The following PRKN variants were observed in gnomAD, a reference collection of about 807,000 sequenced individuals.
The protein encoded by PRKN is E3 ubiquitin-protein ligase parkin.
In PRKN, 56 loss-of-function variants were observed where a neutral mutation model predicts 59.5. The observed-to-expected ratio is 0.94, with a 90% CI of 0.76 to 1.18. PRKN has a LOEUF of 1.18. PRKN is among the 50% of genes most tolerant of loss of function. The probability of loss-of-function intolerance (pLI) is 0.00; values close to 1 mark genes in which losing one functional copy is unlikely to be tolerated. For missense variants in PRKN, 657 were observed against 596.4 expected, an observed-to-expected ratio of 1.10 and a Z score of -1.06; for synonymous variants, 250 against 222.1, an observed-to-expected ratio of 1.13 and a Z score of -1.12.
intron 2 of PRKN, among the ~76,000 whole-genome samples, chr6:162,296,088 AAAAC>A (rs1170749398): frequency 6.6e-6 from 1 of 152,222 alleles, no homozygotes; most frequent in Non-Finnish European, 1.5e-5. Flanking sequence ...TTTAAAAACA[AAAAC>A]AAAGCAAAAG....
At chr6:162,571,618 C>T (rs1780332297) in intron 1 of PRKN, among the ~76,000 whole-genome samples, 1 of 151,972 alleles carries the variant, frequency 6.6e-6, no homozygotes, top group Non-Finnish European at 1.5e-5. Context: ...AGAAAACAGC[C>T]ATTGATTTAG....
In PRKN at chr6:161,390,906, A is replaced by G. The variant is rs1290914758; in HGVS notation, c.1084-4029T>C. ...ATTAATTCTTACTATGCTACGTGGT[A>G]CAAAACCTTTCATAACCACAACTGT... On this transcript the variant is annotated intron_variant, in intron 9 of 11. Transcript: ENST00000366898. The surrounding 1 kb of genome is among the most constrained non-coding windows in gnomAD (Gnocchi z 7.0). 3.9e-5 allele frequency among the ~76,000 whole-genome samples: 6 copies of G among 152,200 alleles called. No individual in the cohort carries two copies. The highest frequency in any genetic ancestry group is 8.8e-5 in the Non-Finnish European group (6 of 68,046).
At chr6:161,591,146 T>C (rs989694959) in intron 7 of PRKN, among the ~76,000 whole-genome samples, 1 of 152,084 alleles carries the variant, frequency 6.6e-6, no homozygotes, top group Non-Finnish European at 1.5e-5. Flanking sequence ...AGAAAAAAAA[T>C]ATATGCACAT....
chr6:161,353,006 C>T lies in PRKN; in HGVS notation c.1286-2795G>A, dbSNP rs1784622224. Among the ~76,000 whole-genome samples, 1 of 151,974 alleles carries T rather than the reference C, an allele frequency of 6.6e-6. No homozygotes were observed. The highest frequency in any genetic ancestry group is 2.4e-5 in the African/African-American group (1 of 41,352). On this transcript the variant is annotated intron_variant, in intron 11 of 11. Coordinates refer to ENST00000366898, the MANE Select transcript of PRKN (RefSeq NM_004562.3). The surrounding 1 kb of genome is among the most constrained non-coding windows in gnomAD (Gnocchi z 4.8). ...TGTTGACCAGGCTGGTCTCAAACTC[C>T]TGACCTCGTGATCTGCCTGCCTTGG...
chr6:162,505,659 T>C (rs1161702892), intron 1 of PRKN, among the ~76,000 whole-genome samples: 1 of 152,102 alleles, frequency 6.6e-6, no homozygotes, highest in African/African-American at 2.4e-5. Flanking sequence ...CCATAAGTAA[T>C]ATATGGACAG....
chr6:161,563,077 T>C (rs897090876), intron 8 of PRKN, among the ~76,000 whole-genome samples: 3 of 151,994 alleles, frequency 2.0e-5, no homozygotes, highest in African/African-American at 7.2e-5. Flanking sequence ...ATGTGTGCTT[T>C]CCTCTGCTTG....
chr6:161,937,181 A>C (rs1029034171), intron 6 of PRKN, among the ~76,000 whole-genome samples: 4 of 152,260 alleles, frequency 2.6e-5, no homozygotes, highest in Admixed American at 1.3e-4. Flanking sequence ...CAGCAGCCTC[A>C]GTTCCTTGGG....
intron 1 of PRKN, among the ~76,000 whole-genome samples, chr6:162,639,595 C>T (rs965847459): frequency 6.6e-6 from 1 of 152,030 alleles, no homozygotes; most frequent in Non-Finnish European, 1.5e-5. Context: ...GTACATTCAC[C>T]CCTTCTCCTA....
At chr6:162,278,728 C>A (rs1780743773) in intron 2 of PRKN, among the ~76,000 whole-genome samples, 1 of 152,120 alleles carries the variant, frequency 6.6e-6, no homozygotes, top group Non-Finnish European at 1.5e-5. Context: ...TCACACATTA[C>A]AGCGGCTACA....
chr6:162,264,477 C>T (rs754975112), intron 2 of PRKN, among the ~76,000 whole-genome samples: 18 of 151,972 alleles, frequency 1.2e-4, no homozygotes, highest in Non-Finnish European at 2.1e-4. Flanking sequence ...AACAGTGGTG[C>T]CCAGCACTCA....
chr6:162,542,327 G>A (rs1381167510), intron 1 of PRKN, among the ~76,000 whole-genome samples: 6 of 152,028 alleles, frequency 3.9e-5, no homozygotes, highest in Admixed American at 3.9e-4. Flanking sequence ...TACTGTATGG[G>A]TTAACCAAAG....
intron 6 of PRKN, among the ~76,000 whole-genome samples, chr6:161,848,786 G>A (rs1316886363): frequency 6.6e-6 from 1 of 152,164 alleles, no homozygotes; most frequent in Non-Finnish European, 1.5e-5. Context: ...TATGTGAAAC[G>A]ATACATGCAC....
At chr6:162,556,420 C>T (rs1292576076) in intron 1 of PRKN, among the ~76,000 whole-genome samples, 3 of 122,664 alleles carry the variant, frequency 2.4e-5, no homozygotes, top group Non-Finnish European at 3.3e-5. Context: ...TGGCAGACGC[C>T]TTCTTTTTTT....
intron 4 of PRKN, among the ~76,000 whole-genome samples, chr6:162,168,617 G>GA (rs1364124529): frequency 1.9e-4 from 21 of 108,068 alleles, no homozygotes; most frequent in Non-Finnish European, 3.4e-4. Flanking sequence ...ATGAGTGACA[G>GA]AAAAATGGCA....
intron 1 of PRKN, among the ~76,000 whole-genome samples, chr6:162,603,850 T>A (rs1429325241): frequency 6.6e-6 from 1 of 152,142 alleles, no homozygotes; most frequent in African/African-American, 2.4e-5. Flanking sequence ...CTGATTAAAC[T>A]GTTAGAAAAC....
intron 5 of PRKN, among the ~76,000 whole-genome samples, chr6:162,011,146 A>ATTTATAATATATAATATATAT (rs373326934): frequency 2.2e-3 from 2 of 896 alleles, no homozygotes; most frequent in African/African-American, 0.019. Context: ...TATAATATAT[A>ATTTATAATATATAATATATAT]TTATAATATA....
chr6:161,946,414 A>ACACACACACACACACACACTCTCTCT (rs1247187053), intron 6 of PRKN, among the ~76,000 whole-genome samples: 68 of 114,432 alleles, frequency 5.9e-4, no homozygotes, highest in Non-Finnish European at 9.5e-4. Context: ...ACACACACAC[A>ACACACACACACACACACACTCTCTCT]CTCTCTCTCT....
At chr6:162,510,633 ATACT>A (rs1420245814) in intron 1 of PRKN, among the ~76,000 whole-genome samples, 7 of 152,124 alleles carry the variant, frequency 4.6e-5, no homozygotes, top group Non-Finnish European at 1.5e-5. Context: ...AAACTTATTT[ATACT>A]GCAGGTCATG....
intron 3 of PRKN, among the ~76,000 whole-genome samples, chr6:162,228,898 T>G (rs979940016): frequency 6.6e-6 from 1 of 152,166 alleles, no homozygotes; most frequent in African/African-American, 2.4e-5. Context: ...AACATCAGCC[T>G]AGCCACAAGC....
Sources: allele counts gnomAD v4.1 joint callset (sites outside exome capture counted in the v4.1 genomes callset), GRCh38; gene constraint gnomAD v4.1.1; non-coding constraint Gnocchi (gnomAD v3.1); transcripts MANE v1.5; gene names NCBI Gene and HGNC (gene_info 2026-07-23, HGNC 2026-07-21).